ADK: variants seen among roughly 807,000 people sequenced by gnomAD.
The protein encoded by ADK is adenosine kinase.
Under a neutral mutation model 44.7 loss-of-function variants are expected in ADK, and 24 were observed. The ratio of observed to expected loss-of-function variants is 0.54; its 90% CI spans 0.39 to 0.76. ADK has a LOEUF of 0.76. Ranked by LOEUF, ADK falls within the 30% of genes least tolerant of loss-of-function variation. The probability of loss-of-function intolerance (pLI) is 0.00; values close to 1 mark genes in which losing one functional copy is unlikely to be tolerated. For synonymous variants in ADK, 128 were observed against 142.6 expected (o/e 0.90, Z 0.73); for missense variants, 321 against 425.1 (o/e 0.76, Z 2.15).
chr10:74,499,864 A>G (rs1274768870), intron 6 of ADK, among the ~76,000 whole-genome samples: 2 of 151,814 alleles, frequency 1.3e-5, no homozygotes, highest in Admixed American at 1.3e-4. Flanking sequence ...TTCTCTGATC[A>G]TTTTTTTTAG....
chr10:74,395,627 T>G (rs1843480976), intron 5 of ADK, among the ~76,000 whole-genome samples: 1 of 152,182 alleles, frequency 6.6e-6, no homozygotes. Flanking sequence ...AGGTGCAAAG[T>G]TTTCCCATTA....
At position 74,598,440 on chromosome 10, in the gene ADK, C is replaced by CTTTTTTTTTTTTTTTTTTTT. The variant is rs367982701; in HGVS notation, c.763-1939_763-1938insTTTTTTTTTTTTTTTTTTTT. 4.4e-5 allele frequency among the ~76,000 whole-genome samples: 5 copies of CTTTTTTTTTTTTTTTTTTTT among 114,072 alleles called. 2 individuals are homozygous for CTTTTTTTTTTTTTTTTTTTT. The highest frequency in any genetic ancestry group is 8.0e-5 in the African/African-American group (2 of 24,958). 74.8% of individuals were successfully genotyped at this position (114,072 alleles called of 152,430 possible). A position where few individuals can be genotyped will look rare whatever the true frequency, so the allele number is the denominator to read the frequency against. ...TAGAAAGCAACCATGGAATCTTATT[C>CTTTTTTTTTTTTTTTTTTTT]CTTTTTTTTTTTTTTTTTTTTTTTT... is the stretch of plus-strand genomic sequence containing the variant. On this transcript the variant is annotated intron_variant, in intron 8 of 10. Transcript: ENST00000539909.
At chr10:74,178,503 T>G (rs942513274) in intron 1 of ADK, among the ~76,000 whole-genome samples, 2 of 152,206 alleles carry the variant, frequency 1.3e-5, no homozygotes, top group African/African-American at 4.8e-5. Context: ...GTCAAATACT[T>G]TCTGTGTTAA....
At chr10:74,250,554 G>A (rs141064968) in intron 3 of ADK, among the ~76,000 whole-genome samples, 39 of 152,296 alleles carry the variant, frequency 2.6e-4, no homozygotes, top group African/African-American at 9.4e-4. Flanking sequence ...TTGGGGACCT[G>A]TGGAAGATTT....
At chr10:74,374,456 A>G (rs1391596069) in intron 4 of ADK, among the ~76,000 whole-genome samples, 3 of 152,164 alleles carry the variant, frequency 2.0e-5, no homozygotes, top group African/African-American at 7.2e-5. Flanking sequence ...TTATTTGTCA[A>G]TATCACTACT....
Position 74,170,398 on chromosome 10 carries a change from G to A in ADK, c.65+19055G>A, listed in dbSNP as rs561664795. Among the ~76,000 whole-genome samples, 51 of 152,060 alleles carry A rather than the reference G, an allele frequency of 3.4e-4. 1 individual carries two copies. In the South Asian group the frequency reaches 8.5e-3, roughly 25 times the overall value. Reference sequence around the variant, plus strand: ...GTCTAAAAATAAGGGTAGTTTTGACGGTTGTGAATTTCTTTTTTTAAAAAA... The same window carrying A: ...GTCTAAAAATAAGGGTAGTTTTGACAGTTGTGAATTTCTTTTTTTAAAAAA... On this transcript the variant is annotated intron_variant, in intron 1 of 10. Coordinates refer to ENST00000539909, the MANE Select transcript of ADK (RefSeq NM_006721.4).
intron 9 of ADK, among the ~76,000 whole-genome samples, chr10:74,649,477 T>C (rs748466408): frequency 1.6e-4 from 24 of 151,798 alleles, no homozygotes; most frequent in Non-Finnish European, 2.2e-4. Context: ...TTAAAACAAT[T>C]AGCCAGGTAT....
chr10:74,396,959 G>GAA (rs79415702), intron 5 of ADK, among the ~76,000 whole-genome samples: 3 of 131,922 alleles, frequency 2.3e-5, no homozygotes, highest in Non-Finnish European at 3.3e-5. Flanking sequence ...ACTTCATCTG[G>GAA]AAAAAAAAAA....
chr10:74,661,526 C>T (rs761904175), intron 9 of ADK, among the ~76,000 whole-genome samples: 21 of 152,134 alleles, frequency 1.4e-4, no homozygotes, highest in African/African-American at 4.6e-4. Flanking sequence ...AGATAACTAC[C>T]GTTGCATTCC....
chr10:74,232,539 C>T (rs1357950325), intron 3 of ADK, among the ~76,000 whole-genome samples: 2 of 71,482 alleles, frequency 2.8e-5, no homozygotes, highest in Admixed American at 1.4e-4. Flanking sequence ...AAACAAACAA[C>T]CCCCCCGCAC....
chr10:74,578,196 A>G (rs1851261685), intron 7 of ADK, among the ~76,000 whole-genome samples: 1 of 152,162 alleles, frequency 6.6e-6, no homozygotes, highest in South Asian at 2.1e-4. Flanking sequence ...TCCCCATCTG[A>G]GGTCTTCTTT....
chr10:74,540,852 C>T (rs1849602246), intron 7 of ADK, among the ~76,000 whole-genome samples: 2 of 151,956 alleles, frequency 1.3e-5, no homozygotes, highest in African/African-American at 4.8e-5. Context: ...AGTGCTAGAC[C>T]TAAATTTAGA....
chr10:74,559,703 A>T (rs1000600858), intron 7 of ADK, among the ~76,000 whole-genome samples: 3 of 152,134 alleles, frequency 2.0e-5, no homozygotes, highest in African/African-American at 7.2e-5. Context: ...ATGGTATTTT[A>T]TTGTTTCAAT....
At chr10:74,572,228 G>A (rs529086509) in intron 7 of ADK, among the ~76,000 whole-genome samples, 137 of 152,288 alleles carry the variant, frequency 9.0e-4, no homozygotes, top group Admixed American at 1.8e-3. Flanking sequence ...GCATTTGCTT[G>A]TCTGTAAAGT....
At chr10:74,595,467 C>T (rs1479665936) in intron 8 of ADK, among the ~76,000 whole-genome samples, 1 of 146,182 alleles carries the variant, frequency 6.8e-6, no homozygotes, top group Non-Finnish European at 1.5e-5. Flanking sequence ...AGCTCCGCCT[C>T]CCGGGTTCAC....
intron 10 of ADK, among the ~76,000 whole-genome samples, chr10:74,692,221 G>A (rs745619261): frequency 7.9e-5 from 12 of 152,018 alleles, no homozygotes; most frequent in African/African-American, 1.2e-4. Flanking sequence ...GCTCACACCC[G>A]TAATCCCAGC....
intron 6 of ADK, among the ~76,000 whole-genome samples, chr10:74,524,239 A>G (rs1159204603): frequency 2.0e-5 from 3 of 152,222 alleles, no homozygotes; most frequent in African/African-American, 7.2e-5. Context: ...CTTTCCTGAC[A>G]TGAAATTTTA....
At chr10:74,265,807 G>A (rs779077786) in intron 3 of ADK, among the ~76,000 whole-genome samples, 1 of 151,992 alleles carries the variant, frequency 6.6e-6, no homozygotes, top group Non-Finnish European at 1.5e-5. Context: ...AAAGTATATG[G>A]GTCATATGGG....
intron 3 of ADK, among the ~76,000 whole-genome samples, chr10:74,256,222 A>G (rs1845817717): frequency 6.6e-6 from 1 of 152,246 alleles, no homozygotes; most frequent in Non-Finnish European, 1.5e-5. Flanking sequence ...CAGAGTTGAC[A>G]GAAAGGCAGT....
Sources: allele counts gnomAD v4.1 joint callset (sites outside exome capture counted in the v4.1 genomes callset), GRCh38; gene constraint gnomAD v4.1.1; transcripts MANE v1.5; gene names NCBI Gene and HGNC (gene_info 2026-07-23, HGNC 2026-07-21).